Variants in GPC5 observed in about 807,000 individuals in gnomAD.
GPC5 encodes the protein glypican 5, also known as glypican-5.
GPC5 carries 47 observed loss-of-function variants against 53.9 expected under a neutral mutation model. That is an observed-to-expected ratio of 0.87 (90% confidence interval 0.69 to 1.11). The LOEUF (loss-of-function observed/expected upper bound fraction) is 1.11. Ranked by LOEUF, GPC5 falls within the 50% of genes most tolerant of loss-of-function variation. The pLI is 0.00. For synonymous variants in GPC5, 286 were observed against 263.3 expected (o/e 1.09, Z -0.84); for missense variants, 748 against 713.1 (o/e 1.05, Z -0.56).
At chr13:92,836,398 C>G (rs922722810) in intron 7 of GPC5, among the ~76,000 whole-genome samples, 1 of 152,022 alleles carries the variant, frequency 6.6e-6, no homozygotes, top group African/African-American at 2.4e-5. Flanking sequence ...CAGAACCAGT[C>G]ATTTAAAGAT....
intron 7 of GPC5, among the ~76,000 whole-genome samples, chr13:92,525,772 G>A (rs113188550): frequency 1.3e-5 from 2 of 152,028 alleles, no homozygotes; most frequent in African/African-American, 4.8e-5. Flanking sequence ...CTAGCTGATG[G>A]TGATATTATC....
At chr13:92,319,829 A>C (rs1428454720) in intron 7 of GPC5, among the ~76,000 whole-genome samples, 1 of 152,156 alleles carries the variant, frequency 6.6e-6, no homozygotes, top group Non-Finnish European at 1.5e-5. Flanking sequence ...AAAGTTTAAA[A>C]ATCTTGTACC....
intron 5 of GPC5, among the ~76,000 whole-genome samples, chr13:91,853,532 G>T (rs7993839): frequency 0.19 from 29,195 of 151,758 alleles, 3,082 homozygotes; most frequent in East Asian, 0.31. Flanking sequence ...TACAGCTAAA[G>T]AATTAACAGA....
chr13:91,837,819 G>A (rs74106543), intron 5 of GPC5, among the ~76,000 whole-genome samples: 2 of 152,224 alleles, frequency 1.3e-5, no homozygotes, highest in African/African-American at 2.4e-5. Context: ...AGGATTGAAA[G>A]TCTGAATCTC....
intron 7 of GPC5, among the ~76,000 whole-genome samples, chr13:92,539,803 C>A (rs1881871868): frequency 6.6e-6 from 1 of 151,940 alleles, no homozygotes; most frequent in South Asian, 2.1e-4. Context: ...TCTTCTATAT[C>A]ATTTTCCCTG....
intron 7 of GPC5, among the ~76,000 whole-genome samples, chr13:92,374,605 A>G (rs1437181876): frequency 6.6e-6 from 1 of 151,166 alleles, no homozygotes; most frequent in Non-Finnish European, 1.5e-5. Flanking sequence ...TCGCAAGAAC[A>G]CAAAACCAAA....
At chr13:91,474,916 G>C (rs2139192260) in intron 2 of GPC5, among the ~76,000 whole-genome samples, 1 of 152,172 alleles carries the variant, frequency 6.6e-6, no homozygotes, top group East Asian at 1.9e-4. Flanking sequence ...TAGCATTTAA[G>C]TCCATAAGGA....
chr13:91,478,803 A>ATGTGTG (rs1396153858), intron 2 of GPC5, among the ~76,000 whole-genome samples: 1 of 110,620 alleles, frequency 9.0e-6, no homozygotes, highest in African/African-American at 4.3e-5. Flanking sequence ...GTTTATATAT[A>ATGTGTG]TATATATATA....
Position 92,195,524 on chromosome 13 carries a change from A to T in GPC5, c.1561+50535A>T, listed in dbSNP as rs555710022. 5.3e-4 allele frequency among the ~76,000 whole-genome samples: 81 copies of T among 152,260 alleles called. 1 individual carries two copies. In the South Asian group the frequency reaches 0.017, roughly 32 times the overall value. ...AAACCCAAATTTTTTTGGAGGCCAA[A>T]TCAACTGCTTTTCATAACTACACTG... On this transcript the variant is annotated intron_variant, in intron 7 of 7. Transcript: ENST00000377067.
chr13:92,602,949 CA>C (rs1884129347), intron 7 of GPC5, among the ~76,000 whole-genome samples: 1 of 152,112 alleles, frequency 6.6e-6, no homozygotes, highest in Admixed American at 6.6e-5. Flanking sequence ...AGTCCTCTCT[CA>C]GCAGTCTCAC....
At chr13:91,548,986 A>C (rs1340057752) in intron 2 of GPC5, among the ~76,000 whole-genome samples, 1 of 152,250 alleles carries the variant, frequency 6.6e-6, no homozygotes, top group Middle Eastern at 3.4e-3. Context: ...AAATGCAAAA[A>C]CTGGCTGGGT....
chr13:92,756,282 C>G (rs1221879760), intron 7 of GPC5, among the ~76,000 whole-genome samples: 10 of 151,942 alleles, frequency 6.6e-5, no homozygotes, highest in East Asian at 5.8e-4. Context: ...ATTCAACAAC[C>G]CTTCATGCTA....
chr13:92,768,105 A>G (rs1357601214), intron 7 of GPC5, among the ~76,000 whole-genome samples: 1 of 152,220 alleles, frequency 6.6e-6, no homozygotes, highest in East Asian at 1.9e-4. Context: ...CATTAACCAA[A>G]TATAAATAGT....
chr13:91,421,838 A>G (rs1173475341), intron 1 of GPC5, among the ~76,000 whole-genome samples: 1 of 152,242 alleles, frequency 6.6e-6, no homozygotes, highest in East Asian at 1.9e-4. Flanking sequence ...GATGTATTTT[A>G]AAGTGCTCCA....
At chr13:92,110,902 A>C (rs1449420126) in intron 6 of GPC5, among the ~76,000 whole-genome samples, 2 of 152,200 alleles carry the variant, frequency 1.3e-5, no homozygotes, top group African/African-American at 2.4e-5. Flanking sequence ...TCTTTCCTAA[A>C]GAATCATCAT....
chr13:91,591,943 G>C (rs1230104004), intron 2 of GPC5, among the ~76,000 whole-genome samples: 4 of 152,168 alleles, frequency 2.6e-5, no homozygotes, highest in Non-Finnish European at 5.9e-5. Context: ...TGTCATTTCA[G>C]TCATTTCAGA....
intron 2 of GPC5, among the ~76,000 whole-genome samples, chr13:91,608,694 G>C (rs1006571046): frequency 2.0e-5 from 3 of 152,072 alleles, no homozygotes; most frequent in Admixed American, 2.0e-4. Context: ...GGGACTTTGT[G>C]GGGTGAGCCA....
intron 2 of GPC5, among the ~76,000 whole-genome samples, chr13:91,497,089 A>G (rs553786044): frequency 2.0e-5 from 3 of 152,090 alleles, no homozygotes; most frequent in African/African-American, 7.2e-5. Flanking sequence ...TTTTAAAGAT[A>G]TTTAAAACAA....
intron 7 of GPC5, among the ~76,000 whole-genome samples, chr13:92,734,950 GTTATT>G (rs1203304654): frequency 2.0e-5 from 3 of 151,772 alleles, no homozygotes; most frequent in East Asian, 1.9e-4. Context: ...AAAAAGATAG[GTTATT>G]TTATTATCAA....
Sources: allele counts gnomAD v4.1 joint callset (sites outside exome capture counted in the v4.1 genomes callset), GRCh38; gene constraint gnomAD v4.1.1; transcripts MANE v1.5; gene names NCBI Gene and HGNC (gene_info 2026-07-23, HGNC 2026-07-21).